CENPP: variants seen among roughly 807,000 people sequenced by gnomAD.
CENPP encodes centromere protein P.
A neutral mutation model predicts 35.6 loss-of-function variants in CENPP; 24 were observed. The ratio of observed to expected loss-of-function variants is 0.67; its 90% CI spans 0.49 to 0.95. The LOEUF is 0.95. CENPP is among the 40% of genes least tolerant of loss of function. CENPP has a pLI of 0.00. For missense variants in CENPP, 332 were observed against 345.3 expected, an observed-to-expected ratio of 0.96 and a Z score of 0.31; for synonymous variants, 120 against 125.5, an observed-to-expected ratio of 0.96 and a Z score of 0.29.
chr9:92,465,100 C>A, intron 5 of CENPP: 1 of 1,029,152 alleles, frequency 9.7e-7, no homozygotes, highest in South Asian at 1.4e-5. Flanking sequence ...TGCAGAGAGA[C>A]ACATCCCAAG....
chr9:92,403,799 T>C (rs1843216573), intron 5 of CENPP: 1 of 472,440 alleles, frequency 2.1e-6, no homozygotes, highest in South Asian at 9.3e-5. Context: ...AGTCCCAAGA[T>C]CCTGTCTCAT....
chr9:92,337,485 C>G, intron 2 of CENPP, 56 bp from the exon 3 acceptor site: 1 of 962,018 alleles, frequency 1.0e-6, no homozygotes, highest in African/African-American at 1.6e-5. Context: ...TTAAATAATA[C>G]ACATTTGAAG....
intron 5 of CENPP, among the ~76,000 whole-genome samples, chr9:92,559,383 A>G (rs1240278272): frequency 6.6e-6 from 1 of 152,026 alleles, no homozygotes. Flanking sequence ...CCGCAAACAG[A>G]CCTTCAGCTT....
chr9:92,417,534 C>T, intron 5 of CENPP: 2 of 1,596,706 alleles, frequency 1.3e-6, no homozygotes, highest in Admixed American at 3.6e-5. Flanking sequence ...AAGAAAATAA[C>T]ATATATTGGA....
At chr9:92,417,477 C>T (rs778590053) in intron 5 of CENPP, 2 of 1,613,680 alleles carry the variant, frequency 1.2e-6, no homozygotes, top group African/African-American at 1.3e-5. Context: ...TAGTCTTCAT[C>T]CCACTGATAA....
chr9:92,441,736 G>A (rs980205310), intron 5 of CENPP, among the ~76,000 whole-genome samples: 1 of 151,878 alleles, frequency 6.6e-6, no homozygotes, highest in African/African-American at 2.4e-5. Context: ...TCCAGCCTAG[G>A]TGCCAGAGTG....
chr9:92,415,298 G>A (rs1843557782), intron 5 of CENPP: 2 of 1,613,528 alleles, frequency 1.2e-6, no homozygotes, highest in Admixed American at 3.3e-5. Flanking sequence ...GTCTTTAGTT[G>A]TATTGTTTGA....
intron 5 of CENPP, among the ~76,000 whole-genome samples, chr9:92,546,342 A>G (rs924210915): frequency 2.0e-5 from 3 of 152,142 alleles, no homozygotes; most frequent in Admixed American, 6.5e-5. Flanking sequence ...GTCCCCTTCC[A>G]CTGTGTGGAA....
At chr9:92,408,823 G>A (rs1341354970) in intron 5 of CENPP, among the ~76,000 whole-genome samples, 4 of 152,176 alleles carry the variant, frequency 2.6e-5, no homozygotes, top group South Asian at 2.1e-4. Context: ...AAAATCATTC[G>A]TATTGATAAC....
At chr9:92,326,855 T>C (rs1255050909) in intron 1 of CENPP, among the ~76,000 whole-genome samples, 1 of 152,096 alleles carries the variant, frequency 6.6e-6, no homozygotes, top group African/African-American at 2.4e-5. Flanking sequence ...GAGTCAAGAG[T>C]AATTTGACAT....
intron 5 of CENPP, among the ~76,000 whole-genome samples, chr9:92,537,237 T>C (rs1420141897): frequency 6.6e-6 from 1 of 152,150 alleles, no homozygotes; most frequent in Admixed American, 6.5e-5. Flanking sequence ...GCTAAATATT[T>C]GTTTAAATGA....
chr9:92,612,502 C>T, intron 6 of CENPP, 21 bp from the exon 7 acceptor site: 1 of 1,573,824 alleles, frequency 6.4e-7, no homozygotes, highest in Non-Finnish European at 8.7e-7. Flanking sequence ...CACATAACGA[C>T]ATGTTTTACT....
chr9:92,489,713 G>A (rs116077287), intron 5 of CENPP, among the ~76,000 whole-genome samples: 281 of 151,460 alleles, frequency 1.9e-3, no homozygotes, highest in African/African-American at 6.5e-3. Context: ...TCAGATGTTC[G>A]TGTATACCAT....
chr9:92,412,742 G>A (rs1046939494), intron 5 of CENPP, among the ~76,000 whole-genome samples: 4 of 152,100 alleles, frequency 2.6e-5, no homozygotes, highest in Admixed American at 1.3e-4. Context: ...ATCACATTTT[G>A]TGTATCCATT....
intron 5 of CENPP, chr9:92,386,373 A>C (rs1309505228): frequency 2.4e-6 from 2 of 835,338 alleles, no homozygotes; most frequent in East Asian, 2.5e-5. Flanking sequence ...ATATATGTGC[A>C]TATGAGTATA....
chr9:92,468,137 C>T (rs1038009881), intron 5 of CENPP, among the ~76,000 whole-genome samples: 4 of 152,170 alleles, frequency 2.6e-5, no homozygotes, highest in Non-Finnish European at 4.4e-5. Flanking sequence ...TGAACCTGTG[C>T]GTCAGTGAGA....
At chr9:92,587,516 T>C (rs1032599706) in intron 5 of CENPP, among the ~76,000 whole-genome samples, 1 of 152,114 alleles carries the variant, frequency 6.6e-6, no homozygotes, top group South Asian at 2.1e-4. Flanking sequence ...TTGCATATAA[T>C]GGAATATTAT....
intron 2 of CENPP, among the ~76,000 whole-genome samples, chr9:92,333,914 A>G (rs1840837054): frequency 6.6e-6 from 1 of 152,192 alleles, no homozygotes; most frequent in Non-Finnish European, 1.5e-5. Flanking sequence ...ATTTCCTTCA[A>G]AATAATCATG....
intron 5 of CENPP, among the ~76,000 whole-genome samples, chr9:92,509,055 T>C (rs534896213): frequency 6.6e-6 from 1 of 151,140 alleles, no homozygotes; most frequent in South Asian, 2.1e-4. Context: ...CTATACAGAG[T>C]CACAATATGA....
Sources: allele counts gnomAD v4.1 joint callset (sites outside exome capture counted in the v4.1 genomes callset), GRCh38; gene constraint gnomAD v4.1.1; transcripts MANE v1.5; gene names NCBI Gene and HGNC (gene_info 2026-07-23, HGNC 2026-07-21).